Variants in VPS13B observed in about 807,000 individuals in gnomAD.
The protein encoded by VPS13B is vacuolar protein sorting 13 homolog B.
Under a neutral mutation model 426.4 loss-of-function variants are expected in VPS13B, and 285 were observed. The observed-to-expected ratio is 0.67, with a 90% CI of 0.61 to 0.74. The LOEUF (loss-of-function observed/expected upper bound fraction) is 0.74. VPS13B is among the 30% of genes least tolerant of loss of function. The pLI, the probability that VPS13B is intolerant of heterozygous loss-of-function variation, is 0.00. For missense variants in VPS13B, 4,537 were observed against 4,782.6 expected, an observed-to-expected ratio of 0.95 and a Z score of 1.51; for synonymous variants, 1,676 against 1,676.4, an observed-to-expected ratio of 1.00 and a Z score of 0.01.
chr8:99,804,940 C>T (rs1219011313), intron 43 of VPS13B, among the ~76,000 whole-genome samples: 1 of 151,946 alleles, frequency 6.6e-6, no homozygotes, highest in Non-Finnish European at 1.5e-5. Flanking sequence ...TTCAAGGTTG[C>T]AGTGAGCTAT....
intron 13 of VPS13B, among the ~76,000 whole-genome samples, chr8:99,146,778 G>T (rs201103995): frequency 6.6e-6 from 1 of 152,008 alleles, no homozygotes; most frequent in South Asian, 2.1e-4. Context: ...TTACTATGTT[G>T]CCCAGGCTTA....
At chr8:99,087,973 CAGG>C (rs1449688750) in intron 3 of VPS13B, among the ~76,000 whole-genome samples, 4 of 151,896 alleles carry the variant, frequency 2.6e-5, no homozygotes, top group Non-Finnish European at 4.4e-5. Flanking sequence ...CAGTTAAGGT[CAGG>C]AGTTCGAGAC....
At chr8:99,523,697 G>A (rs961377933) in intron 30 of VPS13B, among the ~76,000 whole-genome samples, 2 of 152,236 alleles carry the variant, frequency 1.3e-5, no homozygotes, top group Middle Eastern at 3.4e-3. Context: ...CAGATATGGC[G>A]GCAATGACCA....
In VPS13B at chr8:99,817,779, C is replaced by A. The variant is rs1177301291; in HGVS notation, c.8337C>A (p.Ala2779=). The A allele has an allele frequency of 6.2e-7, 1 of 1,613,980 alleles. No individual in the cohort carries two copies. The highest frequency in any genetic ancestry group is 1.3e-5 in the African/African-American group (1 of 74,990). ...GAGATGTGTGCCTGGAATCCAAAGC[C>A]CCTGAGTACAGCATTGTCATTCAGG... ...WSRDVCLESK[A]PEYSIVIQVP... Residue 2779 remains alanine, a synonymous_variant, in exon 45 of 62, where the codon GCC becomes GCA. Coordinates refer to ENST00000357162, the MANE Select transcript of VPS13B (RefSeq NM_152564.5).
At chr8:99,781,926 T>C (rs1305623620) in intron 42 of VPS13B, among the ~76,000 whole-genome samples, 3 of 152,174 alleles carry the variant, frequency 2.0e-5, no homozygotes, top group Admixed American at 6.6e-5. Context: ...GCAGTTCATG[T>C]TGATTATATA....
chr8:99,444,291 G>T (rs558318473), intron 23 of VPS13B, among the ~76,000 whole-genome samples: 1 of 151,940 alleles, frequency 6.6e-6, no homozygotes, highest in South Asian at 2.1e-4. Context: ...TAGAGTCAGG[G>T]TTTCACCATA....
chr8:99,390,733 G>A (rs1438847848), intron 20 of VPS13B, among the ~76,000 whole-genome samples: 3 of 152,074 alleles, frequency 2.0e-5, no homozygotes, highest in Admixed American at 2.0e-4. Flanking sequence ...CTCAAACTGT[G>A]GCTAAAACGC....
chr8:99,254,436 T>C (rs568290493), intron 17 of VPS13B, among the ~76,000 whole-genome samples: 4 of 151,860 alleles, frequency 2.6e-5, no homozygotes, highest in African/African-American at 7.2e-5. Context: ...ATACATAAGG[T>C]GTAGTTTTTC....
chr8:99,670,617 C>G (rs1830675588), intron 35 of VPS13B, among the ~76,000 whole-genome samples: 1 of 151,948 alleles, frequency 6.6e-6, no homozygotes, highest in Admixed American at 6.6e-5. Context: ...AACTTTGTAC[C>G]CATTCACCAA....
intron 27 of VPS13B, among the ~76,000 whole-genome samples, chr8:99,506,385 G>A (rs188728919): frequency 8.5e-5 from 13 of 152,274 alleles, no homozygotes; most frequent in African/African-American, 3.1e-4. Context: ...TATTTTGGCT[G>A]AAGTAATTTT....
intron 19 of VPS13B, among the ~76,000 whole-genome samples, chr8:99,294,758 C>T (rs1459079356): frequency 6.6e-6 from 1 of 152,116 alleles, no homozygotes; most frequent in Non-Finnish European, 1.5e-5. Context: ...ATGCCAGATA[C>T]TGAATACTGT....
chr8:99,247,048 CT>C (rs1817261647), intron 17 of VPS13B, among the ~76,000 whole-genome samples: 1 of 152,076 alleles, frequency 6.6e-6, no homozygotes, highest in South Asian at 2.1e-4. Flanking sequence ...TCCTCAACCC[CT>C]AATATAGTTA....
chr8:99,327,116 C>A (rs1810317984), intron 19 of VPS13B, among the ~76,000 whole-genome samples: 1 of 152,008 alleles, frequency 6.6e-6, no homozygotes, highest in African/African-American at 2.4e-5. Flanking sequence ...AAAGGTGTAC[C>A]CCTTGGGTCT....
At chr8:99,043,814 A>G (rs958690035) in intron 3 of VPS13B, among the ~76,000 whole-genome samples, 1 of 151,946 alleles carries the variant, frequency 6.6e-6, no homozygotes, top group African/African-American at 2.4e-5. Flanking sequence ...GTTCCATTTC[A>G]GCCAATCCCT....
At chr8:99,308,146 T>C (rs1350838823) in intron 19 of VPS13B, among the ~76,000 whole-genome samples, 3 of 151,952 alleles carry the variant, frequency 2.0e-5, no homozygotes, top group African/African-American at 7.2e-5. Context: ...TAAAATTTCG[T>C]TTAGACTTTT....
chr8:99,244,847 C>T (rs1817127610), intron 17 of VPS13B, among the ~76,000 whole-genome samples: 2 of 152,126 alleles, frequency 1.3e-5, no homozygotes, highest in South Asian at 4.1e-4. Flanking sequence ...AAATGAGTAC[C>T]TCATGACTGA....
intron 58 of VPS13B, among the ~76,000 whole-genome samples, chr8:99,862,189 G>T (rs1816873661): frequency 1.3e-5 from 2 of 152,220 alleles, no homozygotes; most frequent in South Asian, 2.1e-4. Flanking sequence ...GTTCTTAAAA[G>T]AAATCCTAAT....
chr8:99,313,900 T>G (rs1343804302), intron 19 of VPS13B, among the ~76,000 whole-genome samples: 1 of 152,090 alleles, frequency 6.6e-6, no homozygotes, highest in Non-Finnish European at 1.5e-5. Flanking sequence ...GCTGCCATCT[T>G]GCAGATGGAT....
rs369177975 is a variant in VPS13B, at chr8:99,746,763, T to TAAAG, written c.7051-20009_7051-20006dup. On this transcript the variant is annotated intron_variant, in intron 39 of 61. Coordinates refer to ENST00000357162, the MANE Select transcript of VPS13B (RefSeq NM_152564.5). ...AGAAGTGAGTAAACTAGATTAAAAG[T>TAAAG]AAAGACCAAACTGAATGGAATCAAC... Among the ~76,000 whole-genome samples the TAAAG allele has an allele frequency of 2.2e-3, 332 of 152,122 alleles. 1 individual carries two copies. The highest frequency in any genetic ancestry group is 7.4e-3 in the African/African-American group (309 of 41,552).
Sources: allele counts gnomAD v4.1 joint callset (sites outside exome capture counted in the v4.1 genomes callset), GRCh38; gene constraint gnomAD v4.1.1; transcripts MANE v1.5; gene names NCBI Gene and HGNC (gene_info 2026-07-23, HGNC 2026-07-21).